Variants in MORN1 observed in about 807,000 individuals in gnomAD.
MORN1 encodes MORN repeat containing 1.
In MORN1, 67 loss-of-function variants were observed where a neutral mutation model predicts 61.9. That is an observed-to-expected ratio of 1.08 (90% CI 0.89 to 1.33). The LOEUF is 1.33. MORN1 is among the 40% of genes most tolerant of loss of function. The pLI is 0.00. For missense variants in MORN1, 752 were observed against 691.2 expected (o/e 1.09, Z -0.99); for synonymous variants, 301 against 292.0 (o/e 1.03, Z -0.31).
chr1:2,350,320 T>C (rs548712446), intron 10 of MORN1: 1 of 152,332 alleles, frequency 6.6e-6, no homozygotes, highest in East Asian at 1.9e-4. Flanking sequence ...TAAAAACAAC[T>C]AAACAACTGA....
chr1:2,329,866 G>A (rs528977669), intron 12 of MORN1, among the ~76,000 whole-genome samples: 243 of 152,374 alleles, frequency 1.6e-3, no homozygotes, highest in African/African-American at 5.7e-3. Flanking sequence ...GGCACCAGCC[G>A]TGAGCAGGCC....
At chr1:2,388,382 G>T in intron 2 of MORN1, 45 bp from the exon 3 acceptor site, 1 of 1,459,862 alleles carries the variant, frequency 6.8e-7, no homozygotes, top group South Asian at 1.1e-5. Flanking sequence ...TGGTTGGGTT[G>T]ACTGCGAATG....
chr1:2,368,982 G>A (rs910675262), intron 8 of MORN1, among the ~76,000 whole-genome samples: 1 of 151,260 alleles, frequency 6.6e-6, no homozygotes, highest in Non-Finnish European at 1.5e-5. Context: ...GCTTGAGCCC[G>A]GGAAGCAGAG....
intron 10 of MORN1, among the ~76,000 whole-genome samples, chr1:2,349,522 A>AT (rs990246000): frequency 1.3e-5 from 2 of 152,144 alleles, no homozygotes; most frequent in Admixed American, 6.5e-5. Flanking sequence ...TTTATACTGT[A>AT]TTTTTCTGGG....
chr1:2,388,152 A>C, intron 3 of MORN1, 87 bp downstream of exon 3: 1 of 1,037,158 alleles, frequency 9.6e-7, no homozygotes, highest in South Asian at 1.3e-5. Flanking sequence ...TCTACACGTC[A>C]CGCCTTCTGC....
chr1:2,367,024 G>A (rs1172696228), intron 8 of MORN1, among the ~76,000 whole-genome samples: 3 of 151,380 alleles, frequency 2.0e-5, no homozygotes, highest in Admixed American at 6.6e-5. Context: ...AGAAAAATAC[G>A]TAGAAAAACA....
At chr1:2,330,402 G>T (rs1557867807) in intron 12 of MORN1, among the ~76,000 whole-genome samples, 1 of 152,206 alleles carries the variant, frequency 6.6e-6, no homozygotes, top group Non-Finnish European at 1.5e-5. Flanking sequence ...GAACGGGTCG[G>T]TGTCCTTCGT....
At chr1:2,386,222 G>A (rs888557135) in intron 4 of MORN1, 2 of 351,480 alleles carry the variant, frequency 5.7e-6, no homozygotes, top group Admixed American at 4.0e-5. Context: ...AGGCTGCACA[G>A]GCTCTGCGTG....
At chr1:2,377,807 T>A (rs1642276123) in intron 6 of MORN1, 1 of 152,402 alleles carries the variant, frequency 6.6e-6, no homozygotes, top group African/African-American at 2.4e-5. Flanking sequence ...CTTTCCCCAG[T>A]GTTGGCCTCG....
At chr1:2,335,967 C>T (rs1641264942) in intron 12 of MORN1, among the ~76,000 whole-genome samples, 1 of 152,210 alleles carries the variant, frequency 6.6e-6, no homozygotes, top group South Asian at 2.1e-4. Context: ...CCTGCATGTG[C>T]TGTGCCCGTA....
chr1:2,352,222 T>C (rs1641666006), intron 10 of MORN1: 1 of 208,770 alleles, frequency 4.8e-6, no homozygotes, highest in Non-Finnish European at 9.4e-6. Context: ...GTGCTTCTCC[T>C]TGCCACTTAT....
chr1:2,357,710 G>A lies in MORN1; in HGVS notation c.870-112C>T. 7.8e-7 allele frequency: 1 copy of A among 1,282,336 alleles called. No individual in the cohort carries two copies. The highest frequency in any genetic ancestry group is 1.0e-6 in the Non-Finnish European group (1 of 963,214). The allele number at this position is 1,282,336 out of a possible 1,614,324, so 79.4% of individuals were successfully genotyped here. On this transcript the variant is annotated intron_variant, in intron 9 of 13. Transcript: ENST00000378531. The surrounding 1 kb of genome is among the most constrained non-coding windows in gnomAD (Gnocchi z 6.3). Reference sequence around the variant, plus strand: ...TGGGACTTGCCTACACTGAGTCCAGGGAGCGCTACTCAGCCTCTCTGGGAG... The same window carrying A: ...TGGGACTTGCCTACACTGAGTCCAGAGAGCGCTACTCAGCCTCTCTGGGAG...
At position 2,337,252 on chromosome 1, in the gene MORN1, C is replaced by T. The variant is rs528519646; in HGVS notation, c.1037-402G>A. On this transcript the variant is annotated intron_variant, in intron 10 of 13. Coordinates refer to ENST00000378531, the MANE Select transcript of MORN1 (RefSeq NM_024848.3). The surrounding 1 kb of genome is among the most constrained non-coding windows in gnomAD (Gnocchi z 5.7). ...CAACAGTACAGCTGTGTGCCCTCCT[C>T]GGAGCGCAGCATGAGGAGGAAGATG... Among the ~76,000 whole-genome samples, 49 of 152,318 alleles carry T rather than the reference C, an allele frequency of 3.2e-4. No homozygotes were observed. Among genetic ancestry groups the T allele is most frequent in the Non-Finnish European group, 5.6e-4 (38 of 68,020 alleles).
At chr1:2,358,780 G>A (rs996628216) in intron 8 of MORN1, 65 bp from the exon 9 acceptor site, 28 of 1,546,762 alleles carry the variant, frequency 1.8e-5, no homozygotes, top group Admixed American at 5.8e-5. Context: ...GCGCGGGCCC[G>A]GGGCAGGCTT....
chr1:2,385,714 G>T, intron 5 of MORN1, 93 bp downstream of exon 5: 1 of 1,179,950 alleles, frequency 8.5e-7, no homozygotes, highest in Non-Finnish European at 1.3e-6. Context: ...GGTGTCCCAT[G>T]GCAGTCCTGT....
At chr1:2,325,105 T>TTTCCTTCCC (rs1232980754) in intron 12 of MORN1, among the ~76,000 whole-genome samples, 504 of 35,188 alleles carry the variant, frequency 0.014, 43 homozygotes, top group African/African-American at 0.071. Context: ...TTCTCTCCCC[T>TTTCCTTCCC]TTCCTTCCCT....
chr1:2,372,148 G>T lies in MORN1; in HGVS notation c.745+333C>A. ...GAAGACTGTTCCTCCTAAAAAGGAAGGACACTCTGACACACGTGCACGCGT... is the reference window on the plus strand; with the variant it reads ...GAAGACTGTTCCTCCTAAAAAGGAATGACACTCTGACACACGTGCACGCGT... On this transcript the variant is annotated intron_variant, in intron 8 of 13. Coordinates refer to ENST00000378531, the MANE Select transcript of MORN1 (RefSeq NM_024848.3). The surrounding 1 kb of genome is among the most constrained non-coding windows in gnomAD (Gnocchi z 5.4). 4.0e-6 allele frequency: 1 copy of T among 250,016 alleles called. No homozygotes were observed. The highest frequency in any genetic ancestry group is 7.9e-6 in the Non-Finnish European group (1 of 126,410). The allele number at this position is 250,016 out of a possible 1,614,324, so 15.5% of individuals were successfully genotyped here.
Position 2,337,257 on chromosome 1 carries a change from C to T in MORN1, c.1037-407G>A, listed in dbSNP as rs781565910. Among the ~76,000 whole-genome samples the T allele has an allele frequency of 8.5e-5, 13 of 152,302 alleles. No homozygotes were observed. Among genetic ancestry groups the T allele is most frequent in the Admixed American group, 2.0e-4 (3 of 15,304 alleles). On this transcript the variant is annotated intron_variant, in intron 10 of 13. Coordinates refer to ENST00000378531, the MANE Select transcript of MORN1 (RefSeq NM_024848.3). This position sits in a 1 kb window ranked among gnomAD's most constrained non-coding sequence, Gnocchi z 5.7. The stretch of plus-strand genomic sequence containing the variant: ...GTACAGCTGTGTGCCCTCCTCGGAG[C>T]GCAGCATGAGGAGGAAGATGGTTCT...
At chr1:2,326,980 T>C (rs1411177377) in intron 12 of MORN1, among the ~76,000 whole-genome samples, 2 of 152,120 alleles carry the variant, frequency 1.3e-5, no homozygotes, top group African/African-American at 4.8e-5. Context: ...GTGGACACAC[T>C]GGCGCCCACA....
Sources: gnomAD v4.1 joint callset for allele counts (sites outside exome capture counted in the v4.1 genomes callset) on GRCh38, gnomAD v4.1.1 for gene constraint, Gnocchi (gnomAD v3.1) non-coding constraint, MANE v1.5 for transcripts, NCBI Gene and HGNC (gene_info 2026-07-23, HGNC 2026-07-21) for gene names.